Variants in SGCG observed in about 807,000 individuals in gnomAD.
The protein encoded by SGCG is gamma-sarcoglycan.
Under a neutral mutation model 29.3 loss-of-function variants are expected in SGCG, and 26 were observed. The observed-to-expected ratio is 0.89, with a 90% confidence interval of 0.65 to 1.23. The LOEUF (loss-of-function observed/expected upper bound fraction) is 1.23. Among genes scored for constraint, SGCG ranks in the 50% most tolerant of loss-of-function variants. The pLI is 0.00. For missense variants in SGCG, 353 were observed against 356.0 expected, an observed-to-expected ratio of 0.99 and a Z score of 0.07; for synonymous variants, 145 against 129.7, an observed-to-expected ratio of 1.12 and a Z score of -0.80.
At chr13:23,169,268 T>C in the SGCG span, among the ~76,000 whole-genome samples, 1 of 150,682 alleles carries the variant, frequency 6.6e-6, no homozygotes, top group African/African-American at 2.4e-5. Flanking sequence ...TGGCAGGGAG[T>C]CATTCAAATT....
intron 5 of SGCG, among the ~76,000 whole-genome samples, chr13:23,292,419 T>C (rs1008996676): frequency 6.6e-6 from 1 of 152,170 alleles, no homozygotes; most frequent in African/African-American, 2.4e-5. Context: ...GACGTTTCTC[T>C]TTCTAATAAA....
chr13:23,241,335 G>C (rs553723895), intron 3 of SGCG, among the ~76,000 whole-genome samples: 1 of 151,874 alleles, frequency 6.6e-6, no homozygotes, highest in African/African-American at 2.4e-5. Flanking sequence ...AGGCTACCAT[G>C]AACAAGTATT....
At position 23,320,611 on chromosome 13, in the gene SGCG, T is replaced by TG. The variant is rs776507546; in HGVS notation, c.579-26_579-25insG. The TG allele has an allele frequency of 1.0e-5, 15 of 1,472,130 alleles. 1 individual carries two copies. The highest frequency in any genetic ancestry group is 1.0e-4 in the East Asian group (4 of 39,358). 91.2% of individuals were successfully genotyped at this position (1,472,130 alleles called of 1,614,324 possible). On this transcript the variant is annotated intron_variant, in intron 6 of 7. Coordinates refer to ENST00000218867, the MANE Select transcript of SGCG (RefSeq NM_000231.3). ...TATTTTTAATACTTTTTTTTTTTTTTTTTGTGCTTCTTTTCCTCATCTCAG... is the reference window on the plus strand; with the variant it reads ...TATTTTTAATACTTTTTTTTTTTTTTGTTTGTGCTTCTTTTCCTCATCTCAG...
chr13:23,259,237 T>G (rs903147528), intron 4 of SGCG, among the ~76,000 whole-genome samples: 1 of 152,188 alleles, frequency 6.6e-6, no homozygotes, highest in African/African-American at 2.4e-5. Context: ...TATTGGTCTA[T>G]TCAGGGATTC....
intron 6 of SGCG, among the ~76,000 whole-genome samples, chr13:23,316,459 T>G (rs1264765503): frequency 6.6e-6 from 1 of 152,228 alleles, no homozygotes; most frequent in Non-Finnish European, 1.5e-5. Flanking sequence ...CCCATCATCC[T>G]GAAGCAGCTA....
chr13:23,255,969 C>A (rs757251848), intron 4 of SGCG, among the ~76,000 whole-genome samples: 2 of 152,172 alleles, frequency 1.3e-5, no homozygotes, highest in African/African-American at 2.4e-5. Context: ...CCCAGCATGT[C>A]ACTACTACAA....
At chr13:23,299,411 T>TGC (rs1882034087) in intron 6 of SGCG, among the ~76,000 whole-genome samples, 1 of 32,876 alleles carries the variant, frequency 3.0e-5, no homozygotes, top group African/African-American at 1.3e-4. Flanking sequence ...AGTTGGCATA[T>TGC]ATATATATAT....
intron 3 of SGCG, chr13:23,244,894 T>A (rs1879643228): frequency 6.6e-6 from 1 of 152,120 alleles, no homozygotes; most frequent in Non-Finnish European, 1.5e-5. Flanking sequence ...CTGGGGCCCA[T>A]CAGCACCCGG....
At chr13:23,273,062 A>G (rs1880927548) in intron 4 of SGCG, among the ~76,000 whole-genome samples, 1 of 151,870 alleles carries the variant, frequency 6.6e-6, no homozygotes, top group Admixed American at 6.6e-5. Flanking sequence ...GATTTATTAG[A>G]TCTCTTTTAT....
In SGCG at chr13:23,203,778, T is replaced by C. The variant is rs1031067187; in HGVS notation, c.84T>C (p.Ile28=). The C allele has an allele frequency of 1.9e-6, 3 of 1,613,892 alleles. No individual in the cohort carries two copies. The highest frequency in any genetic ancestry group is 2.5e-6 in the Non-Finnish European group (3 of 1,179,882). The change falls in exon 2 of 8, where the codon ATT becomes ATC. Residue 28 remains isoleucine, a synonymous_variant. Coordinates refer to ENST00000218867, the MANE Select transcript of SGCG (RefSeq NM_000231.3). ...PENQYVYKIG[I]YGWRKRCLYL... is the part of the protein sequence containing the mutation. ...ATCAGTATGTCTACAAAATTGGCAT[T>C]TATGGCTGGAGAAAGCGCTGTCTCT... is the stretch of plus-strand genomic sequence containing the variant.
At chr13:23,320,455 T>G (rs1369974607) in intron 6 of SGCG, among the ~76,000 whole-genome samples, 182 bp from the exon 7 acceptor site, 1 of 152,230 alleles carries the variant, frequency 6.6e-6, no homozygotes, top group Admixed American at 6.5e-5. Context: ...AAAGTTTATA[T>G]CTTACTTCAC....
At position 23,320,614 on chromosome 13, in the gene SGCG, T is replaced by G. The variant is rs1374210956; in HGVS notation, c.579-23T>G. 1.3e-4 allele frequency: 182 copies of G among 1,363,492 alleles called. 1 individual carries two copies. The African/African-American group carries it at 2.2e-3, about 16-fold the overall frequency. 84.5% of individuals were successfully genotyped at this position (1,363,492 alleles called of 1,614,324 possible). On this transcript the variant is annotated intron_variant, in intron 6 of 7. Transcript: ENST00000218867. ...TTTTAATACTTTTTTTTTTTTTTTT[T>G]GTGCTTCTTTTCCTCATCTCAGATT...
chr13:23,168,650 A>G, the SGCG span, among the ~76,000 whole-genome samples: 2 of 152,216 alleles, frequency 1.3e-5, no homozygotes, highest in Non-Finnish European at 2.9e-5. Context: ...TTAAAAATCT[A>G]TTACTTTTCT....
intron 5 of SGCG, among the ~76,000 whole-genome samples, chr13:23,286,070 A>T (rs1881485761): frequency 6.6e-6 from 1 of 152,190 alleles, no homozygotes. Flanking sequence ...CTTGCCAGAC[A>T]CCACCAACCA....
In SGCG at chr13:23,304,956, C is replaced by T. The variant is rs532220226; in HGVS notation, c.578+9469C>T. Among the ~76,000 whole-genome samples the T allele has an allele frequency of 4.0e-5, 5 of 126,068 alleles. 1 individual carries two copies. Among genetic ancestry groups the T allele is most frequent in the Middle Eastern group, 7.6e-3 (2 of 262 alleles). The allele number at this position is 126,068 out of a possible 152,430, so 82.7% of individuals were successfully genotyped here. ...GACTAGTTGTGCACACATGCGTGCA[C>T]GTGCTCACAGGCTTGCACGTGCTCA... On this transcript the variant is annotated intron_variant, in intron 6 of 7. Transcript: ENST00000218867.
At chr13:23,184,499 CTT>C (rs1876890559) in intron 1 of SGCG, among the ~76,000 whole-genome samples, 1 of 151,830 alleles carries the variant, frequency 6.6e-6, no homozygotes, top group African/African-American at 2.4e-5. Context: ...TAAACACAAA[CTT>C]CATGTGTAAT....
At chr13:23,267,812 A>C (rs1287204632) in intron 4 of SGCG, 1 of 152,200 alleles carries the variant, frequency 6.6e-6, no homozygotes, top group Non-Finnish European at 1.5e-5. Context: ...AAAGTCACCA[A>C]GATACAGGCT....
At chr13:23,235,351 C>T (rs751644031) in intron 3 of SGCG, among the ~76,000 whole-genome samples, 4 of 150,596 alleles carry the variant, frequency 2.7e-5, no homozygotes, top group East Asian at 1.9e-4. Context: ...AAGAGCAAAA[C>T]TCCATCTCAA....
Position 23,324,617 on chromosome 13 carries a change from G to C in SGCG, c.*76G>C. The C allele has an allele frequency of 4.5e-6, 6 of 1,320,000 alleles. No individual in the cohort carries two copies. Among genetic ancestry groups the C allele is most frequent in the Non-Finnish European group, 5.4e-6 (5 of 929,042 alleles). The allele number at this position is 1,320,000 out of a possible 1,614,324, so 81.8% of individuals were successfully genotyped here. ...CACCCAGGGAGCAGCTGCACATCGT[G>C]AAAGACTGAGGCAGCGTGGATGGGA... On this transcript the variant is annotated 3_prime_UTR_variant, in exon 8 of 8. Coordinates refer to ENST00000218867, the MANE Select transcript of SGCG (RefSeq NM_000231.3).
Sources: gnomAD v4.1 joint callset for allele counts (sites outside exome capture counted in the v4.1 genomes callset) on GRCh38, gnomAD v4.1.1 for gene constraint, MANE v1.5 for transcripts, NCBI Gene and HGNC (gene_info 2026-07-23, HGNC 2026-07-21) for gene names.